ZBTB44: variants seen among roughly 807,000 people sequenced by gnomAD.
The protein encoded by ZBTB44 is zinc finger and BTB domain containing 44.
In ZBTB44, 15 loss-of-function variants were observed where a neutral mutation model predicts 54.0. The observed-to-expected ratio is 0.28, with a 90% CI of 0.19 to 0.43. The LOEUF (loss-of-function observed/expected upper bound fraction) is 0.43, where lower values mean the gene tolerates loss of function less well. Ranked by LOEUF, ZBTB44 falls within the 20% of genes least tolerant of loss-of-function variation. The pLI, the probability that ZBTB44 is intolerant of heterozygous loss-of-function variation, is 1.00. For missense variants in ZBTB44, 487 were observed against 707.1 expected (o/e 0.69, Z 3.53); for synonymous variants, 230 against 250.1 (o/e 0.92, Z 0.76).
At chr11:130,286,885 C>T (rs1027148242) in intron 1 of ZBTB44, among the ~76,000 whole-genome samples, 2 of 152,184 alleles carry the variant, frequency 1.3e-5, no homozygotes, top group Non-Finnish European at 1.5e-5. Flanking sequence ...GTGCCCAGCA[C>T]AGACTGTTTA....
chr11:130,303,141 G>A (rs573869718), intron 1 of ZBTB44, among the ~76,000 whole-genome samples: 3 of 152,254 alleles, frequency 2.0e-5, no homozygotes, highest in Non-Finnish European at 2.9e-5. Flanking sequence ...TACCTAACAG[G>A]TTAAGATTGG....
intron 4 of ZBTB44, among the ~76,000 whole-genome samples, chr11:130,237,987 C>A (rs183411936): frequency 4.8e-4 from 73 of 152,284 alleles, no homozygotes; most frequent in Non-Finnish European, 8.8e-5. Context: ...TCAGGGCACA[C>A]AGAGATTTAG....
In ZBTB44 at chr11:130,277,141, G is replaced by A. The variant is rs1265410949; in HGVS notation, c.-56-15212C>T. The stretch of plus-strand genomic sequence containing the variant: ...AATCCGTTCACATTTAATGTTATTT[G>A]TATAGTTAGATTCAAACGTGCAATT... On this transcript the variant is annotated intron_variant, in intron 1 of 7. Coordinates refer to ENST00000357899, the MANE Select transcript of ZBTB44 (RefSeq NM_001301098.2). Among the ~76,000 whole-genome samples the A allele has an allele frequency of 2.6e-5, 4 of 152,042 alleles. No homozygotes were observed. The East Asian group carries it at 7.7e-4, about 29-fold the overall frequency.
At chr11:130,302,902 A>T (rs549257159) in intron 1 of ZBTB44, among the ~76,000 whole-genome samples, 1 of 151,936 alleles carries the variant, frequency 6.6e-6, no homozygotes, top group South Asian at 2.1e-4. Flanking sequence ...TTGAACCTGG[A>T]AAGTGCAGGT....
At chr11:130,232,509 G>A (rs781494185) in intron 7 of ZBTB44, 1 of 152,042 alleles carries the variant, frequency 6.6e-6, no homozygotes, top group Non-Finnish European at 1.5e-5. Context: ...TTAGTTTAAG[G>A]TTTTCAGTTT....
At chr11:130,294,051 A>G (rs184185023) in intron 1 of ZBTB44, among the ~76,000 whole-genome samples, 45 of 152,296 alleles carry the variant, frequency 3.0e-4, no homozygotes, top group Admixed American at 2.4e-3. Flanking sequence ...TGTACATTGA[A>G]TAACTCCCAC....
chr11:130,233,031 G>T, intron 7 of ZBTB44: 1 of 324,264 alleles, frequency 3.1e-6, no homozygotes. Context: ...AAAAAAGAAT[G>T]TAGCCTCAAT....
Position 130,271,346 on chromosome 11 carries a change from A to G in ZBTB44, c.-56-9417T>C, listed in dbSNP as rs188772751. Among the ~76,000 whole-genome samples the G allele has an allele frequency of 1.1e-4, 17 of 152,302 alleles. No homozygotes were observed. In the East Asian group the frequency reaches 2.9e-3, roughly 26 times the overall value. On this transcript the variant is annotated intron_variant, in intron 1 of 7. Transcript: ENST00000357899. ...CCATTTCTCATCTCAAAAAAACTATAAACTCATGGGTCCTTAGAGAAATGG... is the reference window on the plus strand; with the variant it reads ...CCATTTCTCATCTCAAAAAAACTATGAACTCATGGGTCCTTAGAGAAATGG...
At chr11:130,311,921 AC>A (rs1337350147) in intron 1 of ZBTB44, among the ~76,000 whole-genome samples, 28 of 152,278 alleles carry the variant, frequency 1.8e-4, no homozygotes, top group African/African-American at 6.3e-4. Context: ...CAAATCTGGG[AC>A]AATTTGGTCA....
chr11:130,298,466 T>TG (rs1015196496), intron 1 of ZBTB44, among the ~76,000 whole-genome samples: 1 of 148,404 alleles, frequency 6.7e-6, no homozygotes, highest in Non-Finnish European at 1.5e-5. Flanking sequence ...TTTTTTTTTT[T>TG]TTTTTTTTTT....
At chr11:130,281,305 A>G (rs1182867488) in intron 1 of ZBTB44, among the ~76,000 whole-genome samples, 1 of 152,040 alleles carries the variant, frequency 6.6e-6, no homozygotes, top group African/African-American at 2.4e-5. Context: ...GGATCACTTG[A>G]GCCCAAGAGT....
At chr11:130,247,635 C>T (rs1258962840) in intron 2 of ZBTB44, among the ~76,000 whole-genome samples, 2 of 152,104 alleles carry the variant, frequency 1.3e-5, no homozygotes, top group African/African-American at 4.8e-5. Flanking sequence ...TCTGAACTGG[C>T]CCTGGAGGCC....
At chr11:130,235,382 T>C (rs1198261664) in intron 5 of ZBTB44, among the ~76,000 whole-genome samples, 1 of 152,214 alleles carries the variant, frequency 6.6e-6, no homozygotes, top group Admixed American at 6.5e-5. Context: ...ATGATATGTA[T>C]AACCTAAGGT....
At chr11:130,265,816 G>A (rs1474966915) in intron 1 of ZBTB44, among the ~76,000 whole-genome samples, 1 of 152,226 alleles carries the variant, frequency 6.6e-6, no homozygotes, top group African/African-American at 2.4e-5. Context: ...GGAAGCTGCA[G>A]AAGAAAAGTT....
At chr11:130,246,103 T>C (rs576534122) in intron 2 of ZBTB44, among the ~76,000 whole-genome samples, 1 of 152,348 alleles carries the variant, frequency 6.6e-6, no homozygotes, top group Non-Finnish European at 1.5e-5. Flanking sequence ...TGGAATTCTA[T>C]GTATACTGTG....
intron 1 of ZBTB44, among the ~76,000 whole-genome samples, chr11:130,293,463 T>A (rs1427085254): frequency 1.5e-5 from 2 of 131,550 alleles, no homozygotes; most frequent in East Asian, 4.5e-4. Flanking sequence ...GACAGCAAGA[T>A]CTTGTATCAA....
At chr11:130,294,403 C>T (rs1941501164) in intron 1 of ZBTB44, among the ~76,000 whole-genome samples, 1 of 151,468 alleles carries the variant, frequency 6.6e-6, no homozygotes. Context: ...CAGAGAGAGA[C>T]TCTGTCTTAA....
intron 2 of ZBTB44, among the ~76,000 whole-genome samples, chr11:130,241,685 A>C (rs1954369327): frequency 6.6e-6 from 1 of 151,802 alleles, no homozygotes; most frequent in Admixed American, 6.6e-5. Context: ...GCTTCTTCTG[A>C]TGAACAAAGT....
rs1318722116 is a variant in ZBTB44 at position 130,227,237 on chromosome 11, C to T, written c.*4527G>A. 2 of 151,996 alleles carry T rather than the reference C, an allele frequency of 1.3e-5. No homozygotes were observed. The highest frequency in any genetic ancestry group is 2.4e-5 in the African/African-American group (1 of 41,390). 9.4% of individuals were successfully genotyped at this position (151,996 alleles called of 1,614,324 possible). A position where few individuals can be genotyped will look rare whatever the true frequency, so the allele number is the denominator to read the frequency against. ...TTTGGAAATAAAACAAAATCCAAAA[C>T]CATTTTTGTTATTGTCAAAAGTCAA... On this transcript the variant is annotated 3_prime_UTR_variant, in exon 8 of 8. Transcript: ENST00000357899.
Sources: allele counts gnomAD v4.1 joint callset (sites outside exome capture counted in the v4.1 genomes callset), GRCh38; gene constraint gnomAD v4.1.1; transcripts MANE v1.5; gene names NCBI Gene and HGNC (gene_info 2026-07-23, HGNC 2026-07-21).